The following ITM2B variants were observed in gnomAD, a reference collection of about 807,000 sequenced individuals.
ITM2B encodes the protein ABri/ADan amyloid peptide.
ITM2B carries 11 observed loss-of-function variants against 27.8 expected under a neutral mutation model. The observed-to-expected ratio is 0.40, with a 90% CI of 0.25 to 0.66. The LOEUF is 0.66. ITM2B is among the 30% of genes least tolerant of loss of function. The probability of loss-of-function intolerance (pLI) is 0.43; values close to 1 mark genes in which losing one functional copy is unlikely to be tolerated. For missense variants in ITM2B, 296 were observed against 328.9 expected (o/e 0.90, Z 0.77); for synonymous variants, 114 against 114.3 (o/e 1.00, Z 0.02).
chr13:48,250,660 T>C (rs887818990), intron 1 of ITM2B, among the ~76,000 whole-genome samples: 18 of 151,698 alleles, frequency 1.2e-4, no homozygotes, highest in Non-Finnish European at 2.5e-4. Context: ...TCATCAAATA[T>C]ATGAGTGCCA....
At chr13:48,246,969 CA>C (rs1290956661) in intron 1 of ITM2B, among the ~76,000 whole-genome samples, 1 of 152,134 alleles carries the variant, frequency 6.6e-6, no homozygotes, top group Admixed American at 6.5e-5. Context: ...GCTGGGATTA[CA>C]GGCACAAGCC....
At chr13:48,234,630 ACAT>A (rs1351529994) in intron 1 of ITM2B, among the ~76,000 whole-genome samples, 8 of 152,168 alleles carry the variant, frequency 5.3e-5, no homozygotes, top group South Asian at 2.1e-4. Context: ...GGTAATCTAG[ACAT>A]CATATTATAA....
At chr13:48,246,682 A>G (rs1243517014) in intron 1 of ITM2B, among the ~76,000 whole-genome samples, 2 of 152,228 alleles carry the variant, frequency 1.3e-5, no homozygotes. Context: ...TGATTATTTA[A>G]TATAAATAGG....
At chr13:48,259,313 T>C (rs1198059828) in intron 5 of ITM2B, among the ~76,000 whole-genome samples, 3 of 152,240 alleles carry the variant, frequency 2.0e-5, no homozygotes, top group Non-Finnish European at 4.4e-5. Flanking sequence ...TTCAGGGATC[T>C]GGATTCTAAG....
intron 5 of ITM2B, among the ~76,000 whole-genome samples, chr13:48,260,183 C>G (rs1951813546): frequency 6.6e-6 from 1 of 152,020 alleles, no homozygotes; most frequent in Non-Finnish European, 1.5e-5. Context: ...TGAACTCATC[C>G]TTTTTTATGG....
At position 48,265,968 on chromosome 13, in the gene ITM2B, G is replaced by A. The variant is rs201219854; in HGVS notation, c.*4744G>A. On this transcript the variant is annotated 3_prime_UTR_variant, in exon 6 of 6. Coordinates refer to ENST00000647800, the MANE Select transcript of ITM2B (RefSeq NM_021999.5). ...TTTCCACCACTAGACTGCTCAATAC[G>A]TTAGTAGGGCACCTGACACATAGTT... is the stretch of plus-strand genomic sequence containing the variant. The A allele has an allele frequency of 1.4e-4, 22 of 152,184 alleles. No homozygotes were observed. The East Asian group carries it at 1.7e-3, about 12-fold the overall frequency. 9.4% of individuals were successfully genotyped at this position (152,184 alleles called of 1,614,324 possible).
rs145033973 is a variant in ITM2B at position 48,249,509 on chromosome 13, T to C, written c.118-4299T>C. Among the ~76,000 whole-genome samples the C allele has an allele frequency of 4.2e-4, 64 of 152,340 alleles. No individual in the cohort carries two copies. In the Middle Eastern group the frequency reaches 0.01, roughly 24 times the overall value. Reference sequence around the variant, plus strand: ...CTTTAAAAATCTTGCCACCCTCTAATTAGTTTAAATAATTTGACTTTCTTA... The same window carrying C: ...CTTTAAAAATCTTGCCACCCTCTAACTAGTTTAAATAATTTGACTTTCTTA... On this transcript the variant is annotated intron_variant, in intron 1 of 5. Coordinates refer to ENST00000647800, the MANE Select transcript of ITM2B (RefSeq NM_021999.5).
At chr13:48,246,375 A>G (rs964339623) in intron 1 of ITM2B, among the ~76,000 whole-genome samples, 2 of 151,848 alleles carry the variant, frequency 1.3e-5, no homozygotes, top group African/African-American at 4.8e-5. Context: ...CAGCAATCTC[A>G]TTTCAAAAGG....
At chr13:48,234,436 T>A (rs73485057) in intron 1 of ITM2B, among the ~76,000 whole-genome samples, 3,475 of 152,266 alleles carry the variant, frequency 0.023, 128 homozygotes, top group African/African-American at 0.075. Context: ...TAAAGTTATG[T>A]TGCTTATCTT....
intron 2 of ITM2B, 120 bp downstream of exon 2, chr13:48,254,056 C>G: frequency 3.2e-6 from 3 of 928,404 alleles, no homozygotes; most frequent in Non-Finnish European, 5.1e-6. Flanking sequence ...GACCTTCAGC[C>G]AGAGTGGTAG....
chr13:48,235,011 C>A (rs201145956), intron 1 of ITM2B, among the ~76,000 whole-genome samples: 1 of 107,598 alleles, frequency 9.3e-6, no homozygotes, highest in Admixed American at 7.7e-5. Context: ...TTAATGCTAT[C>A]ACATATATAT....
At chr13:48,261,091 A>AGAC in intron 5 of ITM2B, 48 bp from the exon 6 acceptor site, 1 of 1,173,386 alleles carries the variant, frequency 8.5e-7, no homozygotes, top group Non-Finnish European at 1.3e-6. Context: ...GTGAATATTT[A>AGAC]TTATTAAAGA....
rs767195905 is a variant in ITM2B, at chr13:48,269,395, A to G, written c.*8171A>G. The G allele has an allele frequency of 3.9e-5, 6 of 152,240 alleles. No individual in the cohort carries two copies. 9.4% of individuals were successfully genotyped at this position (152,240 alleles called of 1,614,324 possible). ...GACCCCTAGAGCCTCTTCTAAACAG[A>G]GTAGCTAGAGCGATCTTTTCTAAAT... On this transcript the variant is annotated 3_prime_UTR_variant, in exon 6 of 6. Transcript: ENST00000647800.
At position 48,263,816 on chromosome 13, in the gene ITM2B, C is replaced by T. The variant is rs1210295395; in HGVS notation, c.*2592C>T. The T allele has an allele frequency of 1.3e-5, 2 of 152,126 alleles. No homozygotes were observed. Among genetic ancestry groups the T allele is most frequent in the South Asian group, 4.1e-4 (2 of 4,832 alleles). The allele number at this position is 152,126 out of a possible 1,614,324, so 9.4% of individuals were successfully genotyped here. Reference sequence around the variant, plus strand: ...ACTAGTTCCATTCATGGGGGTTCCACTCTCATGACCTAACACCTCTCAAAG... The same window carrying T: ...ACTAGTTCCATTCATGGGGGTTCCATTCTCATGACCTAACACCTCTCAAAG... On this transcript the variant is annotated 3_prime_UTR_variant, in exon 6 of 6. Coordinates refer to ENST00000647800, the MANE Select transcript of ITM2B (RefSeq NM_021999.5).
intron 1 of ITM2B, among the ~76,000 whole-genome samples, chr13:48,241,861 TTTA>T (rs1440621200): frequency 6.6e-6 from 1 of 152,172 alleles, no homozygotes; most frequent in Non-Finnish European, 1.5e-5. Context: ...AAATGACAGT[TTTA>T]TTATTTAAAC....
At chr13:48,245,322 T>TG (rs1951718612) in intron 1 of ITM2B, among the ~76,000 whole-genome samples, 1 of 141,440 alleles carries the variant, frequency 7.1e-6, no homozygotes, top group African/African-American at 2.8e-5. Flanking sequence ...AGACTCCGTC[T>TG]CAAAAAAAAA....
intron 1 of ITM2B, among the ~76,000 whole-genome samples, chr13:48,239,357 C>T (rs956423226): frequency 2.0e-5 from 3 of 152,118 alleles, no homozygotes; most frequent in African/African-American, 7.2e-5. Context: ...GGTTTTCCTG[C>T]CAGGCGCAAG....
chr13:48,259,419 ATGT>A (rs763375491), intron 5 of ITM2B, among the ~76,000 whole-genome samples: 15 of 152,220 alleles, frequency 9.9e-5, no homozygotes, highest in South Asian at 2.1e-4. Context: ...GATACAACTA[ATGT>A]TGTAGCTTTG....
chr13:48,235,498 A>G (rs1951662853), intron 1 of ITM2B, among the ~76,000 whole-genome samples: 1 of 152,240 alleles, frequency 6.6e-6, no homozygotes, highest in Non-Finnish European at 1.5e-5. Context: ...AGACTTCTTT[A>G]GGGGATGACA....
Sources: allele counts gnomAD v4.1 joint callset (sites outside exome capture counted in the v4.1 genomes callset), GRCh38; gene constraint gnomAD v4.1.1; transcripts MANE v1.5; gene names NCBI Gene and HGNC (gene_info 2026-07-23, HGNC 2026-07-21).